The following MEGF9 variants were observed in gnomAD, a reference collection of about 807,000 sequenced individuals.
MEGF9 encodes the protein multiple EGF like domains 9.
In MEGF9, 6 loss-of-function variants were observed where a neutral mutation model predicts 46.8. That is an observed-to-expected ratio of 0.13 (90% CI 0.07 to 0.25). The LOEUF (loss-of-function observed/expected upper bound fraction) is 0.25. MEGF9 is among the 10% of genes least tolerant of loss of function. MEGF9 has a pLI of 1.00. For synonymous variants in MEGF9, 302 were observed against 330.7 expected (o/e 0.91, Z 0.94); for missense variants, 683 against 792.4 (o/e 0.86, Z 1.66).
chr9:120,651,494 C>T (rs1272518078), intron 2 of MEGF9, among the ~76,000 whole-genome samples: 1 of 151,952 alleles, frequency 6.6e-6, no homozygotes, highest in East Asian at 1.9e-4. Flanking sequence ...TTTTCCTGTA[C>T]AAATGAGAAT....
rs775276841 is a variant in MEGF9 at position 120,641,288 on chromosome 9, A to G, written c.803+18086T>C. Among the ~76,000 whole-genome samples the G allele has an allele frequency of 1.2e-4, 18 of 152,218 alleles. 1 individual carries two copies. Among genetic ancestry groups the G allele is most frequent in the Admixed American group, 2.6e-4 (4 of 15,284 alleles). On this transcript the variant is annotated intron_variant, in intron 2 of 5. Transcript: ENST00000373930. ...ATGATAGGCCAATCAACCTTGTAAGACAGTGATCCCTCAGGTTTGTTCATT... is the reference window on the plus strand; with the variant it reads ...ATGATAGGCCAATCAACCTTGTAAGGCAGTGATCCCTCAGGTTTGTTCATT...
At chr9:120,627,754 C>T (rs2043531724) in intron 2 of MEGF9, among the ~76,000 whole-genome samples, 1 of 152,208 alleles carries the variant, frequency 6.6e-6, no homozygotes, top group Non-Finnish European at 1.5e-5. Flanking sequence ...TGAGCCACTG[C>T]GCCCAGCCCA....
intron 2 of MEGF9, among the ~76,000 whole-genome samples, chr9:120,652,630 G>A (rs545530889): frequency 6.6e-6 from 1 of 150,702 alleles, no homozygotes; most frequent in South Asian, 2.1e-4. Flanking sequence ...GCACAATTTA[G>A]TTTTCTTCTT....
chr9:120,608,381 T>G (rs1285859659), intron 4 of MEGF9, among the ~76,000 whole-genome samples: 1 of 152,218 alleles, frequency 6.6e-6, no homozygotes, highest in Admixed American at 6.5e-5. Flanking sequence ...GTCTGAATGA[T>G]TATGATGGGT....
At chr9:120,696,346 A>G (rs1240902819) in intron 1 of MEGF9, among the ~76,000 whole-genome samples, 2 of 152,220 alleles carry the variant, frequency 1.3e-5, no homozygotes, top group African/African-American at 4.8e-5. Flanking sequence ...TAGGAGAGGC[A>G]GCTCTAAAGC....
At chr9:120,711,871 A>ACACACACACACAC (rs145059704) in intron 1 of MEGF9, among the ~76,000 whole-genome samples, 20 of 150,222 alleles carry the variant, frequency 1.3e-4, no homozygotes, top group African/African-American at 5.0e-4. Context: ...ACACACACAC[A>ACACACACACACAC]CCCACAGGCC....
intron 2 of MEGF9, among the ~76,000 whole-genome samples, chr9:120,656,446 C>T (rs1052120400): frequency 6.7e-6 from 1 of 150,068 alleles, no homozygotes; most frequent in African/African-American, 2.4e-5. Flanking sequence ...ACTTGGGAGC[C>T]TCAGGCAGGA....
intron 3 of MEGF9, among the ~76,000 whole-genome samples, chr9:120,619,857 A>G (rs1471729603): frequency 1.3e-5 from 2 of 152,250 alleles, no homozygotes; most frequent in Non-Finnish European, 2.9e-5. Context: ...AATCTACTTC[A>G]ATCTAAAACA....
intron 2 of MEGF9, among the ~76,000 whole-genome samples, chr9:120,624,667 G>T (rs181979023): frequency 8.0e-4 from 122 of 152,188 alleles, no homozygotes; most frequent in African/African-American, 2.7e-3. Flanking sequence ...ACAAGTTCAA[G>T]ACCAGTGATC....
chr9:120,627,314 T>C (rs1473176429), intron 2 of MEGF9, among the ~76,000 whole-genome samples: 1 of 152,242 alleles, frequency 6.6e-6, no homozygotes, highest in African/African-American at 2.4e-5. Flanking sequence ...GTTAAATGTC[T>C]TGGCATGTTT....
At chr9:120,696,457 G>C (rs1350218710) in intron 1 of MEGF9, among the ~76,000 whole-genome samples, 1 of 152,130 alleles carries the variant, frequency 6.6e-6, no homozygotes, top group Non-Finnish European at 1.5e-5. Context: ...GCTTGGTAGA[G>C]TGGGGATAAT....
At chr9:120,693,275 CAAAA>C (rs10633158) in intron 1 of MEGF9, among the ~76,000 whole-genome samples, 9 of 104,492 alleles carry the variant, frequency 8.6e-5, no homozygotes, top group East Asian at 2.7e-4. Flanking sequence ...TCTGGTTAAC[CAAAA>C]AAAAAAAAAA....
intron 1 of MEGF9, among the ~76,000 whole-genome samples, chr9:120,660,909 A>G (rs760885737): frequency 3.3e-5 from 5 of 152,208 alleles, no homozygotes; most frequent in Non-Finnish European, 5.9e-5. Flanking sequence ...AACACAGTTT[A>G]GCTTGGAAAA....
chr9:120,670,752 C>T (rs1423093984), intron 1 of MEGF9, among the ~76,000 whole-genome samples: 1 of 152,130 alleles, frequency 6.6e-6, no homozygotes, highest in Non-Finnish European at 1.5e-5. Context: ...TCCAACTGCG[C>T]TCTTTATCAC....
chr9:120,700,705 T>C (rs555293862), intron 1 of MEGF9, among the ~76,000 whole-genome samples: 21 of 152,232 alleles, frequency 1.4e-4, no homozygotes, highest in African/African-American at 3.1e-4. Context: ...AATCTAAAAA[T>C]CTATTCAAGT....
At chr9:120,678,731 C>G (rs2043784684) in intron 1 of MEGF9, among the ~76,000 whole-genome samples, 1 of 152,206 alleles carries the variant, frequency 6.6e-6, no homozygotes, top group Admixed American at 6.5e-5. Context: ...GCCTCGGCCT[C>G]CCAAAGTGCT....
chr9:120,667,080 C>A (rs976291966), intron 1 of MEGF9, among the ~76,000 whole-genome samples: 3 of 151,980 alleles, frequency 2.0e-5, no homozygotes, highest in African/African-American at 7.3e-5. Flanking sequence ...TTAAAATATG[C>A]AAAAAAATTT....
At chr9:120,643,656 C>T (rs896928446) in intron 2 of MEGF9, among the ~76,000 whole-genome samples, 8 of 151,720 alleles carry the variant, frequency 5.3e-5, no homozygotes, top group African/African-American at 1.7e-4. Flanking sequence ...AAAGATAGTA[C>T]AGGAAGTTCT....
At chr9:120,641,342 A>G (rs1273109067) in intron 2 of MEGF9, among the ~76,000 whole-genome samples, 1 of 152,242 alleles carries the variant, frequency 6.6e-6, no homozygotes, top group Non-Finnish European at 1.5e-5. Flanking sequence ...GCAGATAGAA[A>G]GAAAAAGTCC....
Sources: gnomAD v4.1 joint callset for allele counts (sites outside exome capture counted in the v4.1 genomes callset) on GRCh38, gnomAD v4.1.1 for gene constraint, MANE v1.5 for transcripts, NCBI Gene and HGNC (gene_info 2026-07-23, HGNC 2026-07-21) for gene names.